URB2: variants seen among roughly 807,000 people sequenced by gnomAD.
URB2 encodes the protein unhealthy ribosome biogenesis protein 2 homolog.
In URB2, 86 loss-of-function variants were observed where a neutral mutation model predicts 120.9. The observed-to-expected ratio is 0.71, with a 90% CI of 0.60 to 0.85. The LOEUF is 0.85. URB2 is among the 40% of genes least tolerant of loss of function. The pLI, the probability that URB2 is intolerant of heterozygous loss-of-function variation, is 0.00. For synonymous variants in URB2, 755 were observed against 758.4 expected, an observed-to-expected ratio of 1.00 and a Z score of 0.07; for missense variants, 1,765 against 1,836.5, an observed-to-expected ratio of 0.96 and a Z score of 0.71.
chr1:229,626,568 C>G (rs1172148299), intron 1 of URB2, among the ~76,000 whole-genome samples: 1 of 152,270 alleles, frequency 6.6e-6, no homozygotes, highest in African/African-American at 2.4e-5. Flanking sequence ...CCTCCTGGCT[C>G]CTAGCTGCTC....
chr1:229,652,569 G>A (rs1387551278), intron 8 of URB2, among the ~76,000 whole-genome samples: 1 of 152,250 alleles, frequency 6.6e-6, no homozygotes, highest in African/African-American at 2.4e-5. Flanking sequence ...GCTTCTTCCT[G>A]TATCTGGTGC....
rs1665804604 is a variant in URB2 at position 229,636,093 on chromosome 1, C to T, written c.1480C>T (p.Pro494Ser). The T allele has an allele frequency of 6.2e-7, 1 of 1,614,246 alleles. No individual in the cohort carries two copies. Among genetic ancestry groups the T allele is most frequent in the Non-Finnish European group, 8.5e-7 (1 of 1,180,042 alleles). Reference protein sequence around the residue: ...ALRQPVLASGPSTVLSACLLE... With the variant: ...ALRQPVLASGSSTVLSACLLE... ...GAGGCAGCCTGTGCTGGCCTCGGGCCCCTCCACGGTACTCTCTGCATGCCT... is the reference window on the plus strand; with the variant it reads ...GAGGCAGCCTGTGCTGGCCTCGGGCTCCTCCACGGTACTCTCTGCATGCCT... The change falls in exon 4 of 10, where the codon CCC becomes TCC. Residue 494 changes from proline (P) to serine (S), a missense_variant. By Grantham distance (74) the Pro-to-Ser change is moderately conservative. Transcript: ENST00000258243.
chr1:229,644,634 A>C (rs12728867), intron 5 of URB2, among the ~76,000 whole-genome samples: 57,573 of 151,850 alleles, frequency 0.38, 11,618 homozygotes, highest in South Asian at 0.47. Context: ...GATAGCCTGT[A>C]GGTGGGCAGG....
In URB2 at chr1:229,635,930, G is replaced by A; in HGVS notation, c.1317G>A (p.Glu439=). The change falls in exon 4 of 10, where the codon GAG becomes GAA. Residue 439 remains glutamate (E), a synonymous_variant. Coordinates refer to ENST00000258243, the MANE Select transcript of URB2 (RefSeq NM_014777.4). The part of the protein sequence containing the change: ...DLLASAWIDA[E]VTEFRTKKAQ... ...TGGCTTCAGCGTGGATCGATGCCGA[G>A]GTAACAGAGTTTCGAACCAAAAAAG... The A allele has an allele frequency of 6.2e-7, 1 of 1,614,216 alleles. No individual in the cohort carries two copies. The highest frequency in any genetic ancestry group is 8.5e-7 in the Non-Finnish European group (1 of 1,180,040).
Position 229,638,183 on chromosome 1 carries a change from A to G in URB2, c.3570A>G (p.Glu1190=). 1 of 1,613,942 alleles carries G rather than the reference A, an allele frequency of 6.2e-7. No individual in the cohort carries two copies. The highest frequency in any genetic ancestry group is 8.5e-7 in the Non-Finnish European group (1 of 1,179,924). ...TGACTCTGTTCTTTTTGGCCCCAGA[A>G]CTGCATCCCAAAAAGGACTCCGTGT... ...QFLTLFFLAP[E]LHPKKDSVFT... Residue 1190 remains glutamate (E), a synonymous_variant, in exon 4 of 10, where the codon GAA becomes GAG. Transcript: ENST00000258243.
In URB2 at chr1:229,637,245, G is replaced by A; in HGVS notation, c.2632G>A (p.Val878Ile). The change falls in exon 4 of 10, where the codon GTC becomes ATC. Residue 878 changes from valine to isoleucine, a missense_variant. Physicochemically the swap from Val to Ile is conservative, Grantham distance 29. Transcript: ENST00000258243. ...AATTGCCCAGAACTTACTGTCCCTG[G>A]TCAAGAGTGACTTCCCTATCCAGCT... is the stretch of plus-strand genomic sequence containing the variant. Reference protein sequence around the residue: ...GEIAQNLLSLVKSDFPIQLEG... With the variant: ...GEIAQNLLSLIKSDFPIQLEG... 6.2e-7 allele frequency: 1 copy of A among 1,614,030 alleles called. No homozygotes were observed. The highest frequency in any genetic ancestry group is 1.3e-5 in the African/African-American group (1 of 75,054).
chr1:229,627,822 T>A, intron 2 of URB2, 63 bp downstream of exon 2: 2 of 1,506,486 alleles, frequency 1.3e-6, no homozygotes, highest in Non-Finnish European at 1.8e-6. Context: ...TTTTATAATT[T>A]GGATATTGAC....
Position 229,659,230 on chromosome 1 carries a change from A to T in URB2, c.4508A>T (p.Glu1503Val). Reference sequence around the variant, plus strand: ...CCGGGAATGAGAGACATCTTTAAGGAGCTCTATAATGACTATCTCAAGTAC... The same window carrying T: ...CCGGGAATGAGAGACATCTTTAAGGTGCTCTATAATGACTATCTCAAGTAC... ...LQPGMRDIFK[E>V]LYNDYLKYHK... The change falls in exon 10 of 10, where the codon GAG becomes GTG. Residue 1503 changes from glutamate to valine, a missense_variant. Coordinates refer to ENST00000258243, the MANE Select transcript of URB2 (RefSeq NM_014777.4). The T allele has an allele frequency of 3.1e-6, 5 of 1,613,988 alleles. No individual in the cohort carries two copies. The highest frequency in any genetic ancestry group is 4.2e-6 in the Non-Finnish European group (5 of 1,180,032).
intron 1 of URB2, among the ~76,000 whole-genome samples, chr1:229,627,036 G>GT (rs1212308056): frequency 1.3e-5 from 2 of 152,112 alleles, no homozygotes; most frequent in Non-Finnish European, 2.9e-5. Context: ...AGATTTCATG[G>GT]TTTTTTGTTT....
chr1:229,655,693 A>G (rs529603768), intron 9 of URB2, among the ~76,000 whole-genome samples: 3 of 152,350 alleles, frequency 2.0e-5, no homozygotes, highest in Non-Finnish European at 4.4e-5. Flanking sequence ...AGTGCGGTGT[A>G]TTCTTTTGAC....
At chr1:229,630,361 C>A (rs1188957639) in intron 2 of URB2, among the ~76,000 whole-genome samples, 3 of 152,228 alleles carry the variant, frequency 2.0e-5, no homozygotes, top group African/African-American at 7.2e-5. Flanking sequence ...AAACAACATT[C>A]ATCTCCTTGT....
chr1:229,651,109 C>T (rs1364544292), intron 7 of URB2, 126 bp from the exon 8 acceptor site: 3 of 757,126 alleles, frequency 4.0e-6, no homozygotes, highest in African/African-American at 1.8e-5. Context: ...TATCCCTGGG[C>T]ACACACAACT....
At chr1:229,639,336 CTTTTTTTTTTT>C (rs200235230) in intron 4 of URB2, among the ~76,000 whole-genome samples, 1 of 135,112 alleles carries the variant, frequency 7.4e-6, no homozygotes, top group Non-Finnish European at 1.6e-5. Context: ...CACTTAATTT[CTTTTTTTTTTT>C]TTTTTGAGAT....
intron 9 of URB2, among the ~76,000 whole-genome samples, chr1:229,657,918 G>T (rs1253993746): frequency 1.3e-5 from 2 of 152,180 alleles, no homozygotes; most frequent in Non-Finnish European, 2.9e-5. Context: ...TGTTTGCAGA[G>T]ACACATTAAC....
intron 2 of URB2, among the ~76,000 whole-genome samples, chr1:229,631,812 A>G (rs1665675166): frequency 6.6e-6 from 1 of 152,202 alleles, no homozygotes; most frequent in African/African-American, 2.4e-5. Context: ...AAGAATGGAA[A>G]AGTTGGAAAT....
At position 229,659,164 on chromosome 1, in the gene URB2, G is replaced by T; in HGVS notation, c.4442G>T (p.Cys1481Phe). ...GGCATTTACCTCATCCTGGACCTCT[G>T]CATCGAGCCTGACGTCCAGTTCCTG... is the stretch of plus-strand genomic sequence containing the variant. The part of the protein sequence containing the change: ...QEGIYLILDL[C>F]IEPDVQFLRA... Residue 1481 changes from cysteine (C) to phenylalanine (F), a missense_variant, in exon 10 of 10, where the codon TGC (cysteine) becomes TTC (phenylalanine). Physicochemically the swap from Cys to Phe is radical, Grantham distance 205. Coordinates refer to ENST00000258243, the MANE Select transcript of URB2 (RefSeq NM_014777.4). 2 of 1,613,190 alleles carry T rather than the reference G, an allele frequency of 1.2e-6. No individual in the cohort carries two copies. The highest frequency in any genetic ancestry group is 1.7e-6 in the Non-Finnish European group (2 of 1,180,026).
At position 229,637,030 on chromosome 1, in the gene URB2, C is replaced by T. The variant is rs1168131394; in HGVS notation, c.2417C>T (p.Ser806Phe). ...AGCCCTCTCTTTCCAGAGATGCAGT[C>T]CCTTCATTCTGCTTTCTTAACGTGC... ...LHSPLFPEMQ[S>F]LHSAFLTCVT... The change falls in exon 4 of 10, where the codon TCC (serine) becomes TTC (phenylalanine). Residue 806 changes from serine to phenylalanine, a missense_variant. By Grantham distance (155) the Ser-to-Phe change is radical (BLOSUM62 -2). Coordinates refer to ENST00000258243, the MANE Select transcript of URB2 (RefSeq NM_014777.4). The T allele has an allele frequency of 1.2e-6, 2 of 1,614,040 alleles. No individual in the cohort carries two copies. The highest frequency in any genetic ancestry group is 1.6e-4 in the Middle Eastern group (1 of 6,062).
chr1:229,636,103 T>G lies in URB2; in HGVS notation c.1490T>G (p.Val497Gly), dbSNP rs775347048. Residue 497 changes from valine to glycine, a missense_variant, in exon 4 of 10, where the codon GTA (valine) becomes GGA (glycine). Transcript: ENST00000258243. ...QPVLASGPST[V>G]LSACLLELPP... ...GTGCTGGCCTCGGGCCCCTCCACGG[T>G]ACTCTCTGCATGCCTCCTGGAGCTG... 3.7e-6 allele frequency: 6 copies of G among 1,614,260 alleles called. No homozygotes were observed. In the South Asian group the frequency reaches 4.4e-5, roughly 12 times the overall value.
In URB2 at chr1:229,638,050, C is replaced by T. The variant is rs141779194; in HGVS notation, c.3437C>T (p.Thr1146Met). The T allele has an allele frequency of 3.3e-5, 53 of 1,613,748 alleles. No individual in the cohort carries two copies. Among genetic ancestry groups the T allele is most frequent in the Middle Eastern group, 1.7e-4 (1 of 6,058 alleles). The change falls in exon 4 of 10, where the codon ACG (threonine) becomes ATG (methionine). Residue 1146 changes from threonine to methionine, a missense_variant. Transcript: ENST00000258243. The stretch of plus-strand genomic sequence containing the variant: ...GACATTTCCCAAGGAAGCGACAGGA[C>T]GCTGCTCTCCCATGTTGCCCTCTAC... ...GADISQGSDR[T>M]LLSHVALYQG...
Sources: gnomAD v4.1 joint callset for allele counts (sites outside exome capture counted in the v4.1 genomes callset) on GRCh38, gnomAD v4.1.1 for gene constraint, MANE v1.5 for transcripts, NCBI Gene and HGNC (gene_info 2026-07-23, HGNC 2026-07-21) for gene names.